Variants in SATB2 observed in about 807,000 individuals in gnomAD.
SATB2 encodes the protein SATB homeobox 2.
A neutral mutation model predicts 73.4 loss-of-function variants in SATB2; 1 was observed. The observed-to-expected ratio is 0.01, with a 90% confidence interval of 0.00 to 0.06. The LOEUF is 0.06. SATB2 is among the 10% of genes least tolerant of loss of function. The pLI is 1.00. For synonymous variants in SATB2, 397 were observed against 367.0 expected (o/e 1.08, Z -0.93); for missense variants, 459 against 945.8 (o/e 0.49, Z 6.75).
rs1178545561 is a variant in SATB2, at chr2:199,348,704, T to C, written c.1170A>G (p.Thr390=). Residue 390 remains threonine, a synonymous_variant, in exon 7 of 11, where the codon ACA becomes ACG. Transcript: ENST00000417098. The stretch of plus-strand genomic sequence containing the variant: ...CAGTGTTTAATGCTAATTGTACCTG[T>C]GTGCGGTTGAATGCCACTCTTGCAA... ...AVFARVAFNR[T]QGLLSEILRK... is the part of the protein sequence containing the mutation. 2 of 1,572,928 alleles carry C rather than the reference T, an allele frequency of 1.3e-6. No individual in the cohort carries two copies. Among genetic ancestry groups the C allele is most frequent in the East Asian group, 4.5e-5 (2 of 44,644 alleles).
intron 10 of SATB2, among the ~76,000 whole-genome samples, chr2:199,282,099 T>C (rs1224226904): frequency 6.6e-6 from 1 of 152,118 alleles, no homozygotes; most frequent in African/African-American, 2.4e-5. Flanking sequence ...GCCAGGATGG[T>C]CTCGATCTCC....
At chr2:199,273,110 T>C (rs1692208493) in intron 10 of SATB2, among the ~76,000 whole-genome samples, 1 of 152,194 alleles carries the variant, frequency 6.6e-6, no homozygotes, top group Non-Finnish European at 1.5e-5. Flanking sequence ...AATCACTTAA[T>C]ATCTTTCAGC....
rs1692159466 is a variant in SATB2, at chr2:199,271,580, CAA to C, written c.*629_*630del. 6.8e-6 allele frequency: 1 copy of C among 146,122 alleles called. No homozygotes were observed. The highest frequency in any genetic ancestry group is 1.5e-5 in the Non-Finnish European group (1 of 66,650). 9.1% of individuals were successfully genotyped at this position (146,122 alleles called of 1,614,324 possible). A position where few individuals can be genotyped will look rare whatever the true frequency, so the allele number is the denominator to read the frequency against. On this transcript the variant is annotated 3_prime_UTR_variant, in exon 11 of 11. Transcript: ENST00000417098. ...AGAATTAAAAAAAAAAAATCAGGGA[CAA>C]ACACAAAAAATAAATAGGAATTCAA...
chr2:199,378,602 T>A (rs1204009655), intron 5 of SATB2, among the ~76,000 whole-genome samples: 1 of 152,160 alleles, frequency 6.6e-6, no homozygotes, highest in South Asian at 2.1e-4. Flanking sequence ...CATGCCTTCT[T>A]GATTTTTTTC....
chr2:199,276,736 C>T lies in SATB2; in HGVS notation c.1741-4064G>A, dbSNP rs374606858. 1.3e-4 allele frequency among the ~76,000 whole-genome samples: 17 copies of T among 127,326 alleles called. No individual in the cohort carries two copies. The East Asian group carries it at 3.7e-3, about 28-fold the overall frequency. The allele number at this position is 127,326 out of a possible 152,430, so 83.5% of individuals were successfully genotyped here. A position where few individuals can be genotyped will look rare whatever the true frequency, so the allele number is the denominator to read the frequency against. ...ATGAAAAAGCTGGCAGGACCAAGGT[C>T]TTTCCAGCATTACCTTTTTCCCTTT... is the stretch of plus-strand genomic sequence containing the variant. On this transcript the variant is annotated intron_variant, in intron 10 of 10. Transcript: ENST00000417098.
In SATB2 at chr2:199,433,468, A is replaced by G. The variant is rs754229634; in HGVS notation, c.216T>C (p.Ser72=). The change falls in exon 3 of 11, where the codon TCT becomes TCC. Residue 72 remains serine, a synonymous_variant. Coordinates refer to ENST00000417098, the MANE Select transcript of SATB2 (RefSeq NM_001172509.2). ...GTTCTTCTCTGTTGTCATATTCAAG[A>G]GAGCCGTCCAACTGCTCCACGACAC... ...VFCVVEQLDG[S]LEYDNREEHA... The G allele has an allele frequency of 1.2e-6, 2 of 1,614,204 alleles. No homozygotes were observed. The highest frequency in any genetic ancestry group is 1.7e-6 in the Non-Finnish European group (2 of 1,180,040).
At chr2:199,465,351 T>C (rs150181691), upstream of SATB2, among the ~76,000 whole-genome samples, 274 of 152,354 alleles carry the variant, frequency 1.8e-3, no homozygotes, top group African/African-American at 6.4e-3. Flanking sequence ...GGGTGGAATA[T>C]CTAAAGACTG....
At position 199,409,167 on chromosome 2, in the gene SATB2, CTTTTTTTT is replaced by C. The variant is rs67330007; in HGVS notation, c.346+24163_346+24170del. On this transcript the variant is annotated intron_variant, in intron 3 of 10. Transcript: ENST00000417098. ...GCTCCAACATTTTCTTTTTTCTTTT[CTTTTTTTT>C]TTTTTTTTTTTGAGACGGAGTTTCA... Among the ~76,000 whole-genome samples, 56 of 115,242 alleles carry C rather than the reference CTTTTTTTT, an allele frequency of 4.9e-4. No individual in the cohort carries two copies. The South Asian group carries it at 0.012, about 25-fold the overall frequency. 75.6% of individuals were successfully genotyped at this position (115,242 alleles called of 152,430 possible). A position where few individuals can be genotyped will look rare whatever the true frequency, so the allele number is the denominator to read the frequency against.
intron 2 of SATB2, among the ~76,000 whole-genome samples, chr2:199,453,844 A>G (rs1434671265): frequency 6.6e-6 from 1 of 152,028 alleles, no homozygotes; most frequent in East Asian, 1.9e-4. Context: ...AAATTCCACT[A>G]AACAATTTTA....
chr2:199,279,868 C>G (rs372248532), intron 10 of SATB2, among the ~76,000 whole-genome samples: 1 of 152,178 alleles, frequency 6.6e-6, no homozygotes, highest in Non-Finnish European at 1.5e-5. Flanking sequence ...AGGTCAGGCA[C>G]GGTAGATGAT....
intron 7 of SATB2, among the ~76,000 whole-genome samples, chr2:199,339,215 T>C (rs1156703687): frequency 1.3e-5 from 2 of 152,054 alleles, no homozygotes; most frequent in Non-Finnish European, 2.9e-5. Context: ...CTGAAAAAGG[T>C]GCCAATTAAC....
chr2:199,347,158 C>G (rs1270192529), intron 7 of SATB2: 1 of 152,180 alleles, frequency 6.6e-6, no homozygotes, highest in Non-Finnish European at 1.5e-5. Context: ...AGACATGAGC[C>G]ACTGTGCCCA....
chr2:199,432,274 A>T (rs577524782), intron 3 of SATB2, among the ~76,000 whole-genome samples: 2 of 152,338 alleles, frequency 1.3e-5, no homozygotes, highest in African/African-American at 4.8e-5. Context: ...ATATTTCCTA[A>T]AAAGCAATCA....
chr2:199,355,061 G>A (rs955557924), intron 6 of SATB2, among the ~76,000 whole-genome samples: 10 of 151,502 alleles, frequency 6.6e-5, no homozygotes, highest in Non-Finnish European at 1.0e-4. Flanking sequence ...CACTTGTTAC[G>A]GTACATCCAG....
At chr2:199,425,983 G>A (rs773346403) in intron 3 of SATB2, among the ~76,000 whole-genome samples, 4 of 152,080 alleles carry the variant, frequency 2.6e-5, no homozygotes, top group African/African-American at 7.2e-5. Context: ...TTTACATTGC[G>A]GCCTATCCAG....
chr2:199,412,706 G>A (rs1306122222), intron 3 of SATB2, among the ~76,000 whole-genome samples: 2 of 151,456 alleles, frequency 1.3e-5, no homozygotes, highest in Non-Finnish European at 2.9e-5. Context: ...ACAATGATTT[G>A]AGAAGGAAAT....
chr2:199,330,902 T>G (rs1366228055), intron 7 of SATB2, among the ~76,000 whole-genome samples: 1 of 152,144 alleles, frequency 6.6e-6, no homozygotes, highest in Admixed American at 6.6e-5. Flanking sequence ...CCTCTCCCTT[T>G]CACTCTCATA....
intron 5 of SATB2, chr2:199,368,984 G>A (rs1467773590): frequency 3.3e-6 from 1 of 302,950 alleles, no homozygotes; most frequent in Non-Finnish European, 6.2e-6. Flanking sequence ...AGGAAGAACA[G>A]TTGTGATTTA....
intron 9 of SATB2, among the ~76,000 whole-genome samples, chr2:199,311,352 C>G (rs1016190814): frequency 6.6e-6 from 1 of 152,060 alleles, no homozygotes; most frequent in East Asian, 1.9e-4. Flanking sequence ...AGGGATGGAG[C>G]CTTCAACAGC....
Sources: gnomAD v4.1 joint callset for allele counts (sites outside exome capture counted in the v4.1 genomes callset) on GRCh38, gnomAD v4.1.1 for gene constraint, MANE v1.5 for transcripts, NCBI Gene and HGNC (gene_info 2026-07-23, HGNC 2026-07-21) for gene names.